Variants in TAP1 observed in about 807,000 individuals in gnomAD.
The protein encoded by TAP1 is antigen peptide transporter 1.
Under a neutral mutation model 79.3 loss-of-function variants are expected in TAP1, and 56 were observed. That is an observed-to-expected ratio of 0.71 (90% CI 0.57 to 0.88). TAP1 has a LOEUF of 0.88. Ranked by LOEUF, TAP1 falls within the 40% of genes least tolerant of loss-of-function variation. The probability of loss-of-function intolerance (pLI) is 0.00; values close to 1 mark genes in which losing one functional copy is unlikely to be tolerated. For missense variants in TAP1, 737 were observed against 936.3 expected, an observed-to-expected ratio of 0.79 and a Z score of 2.78; for synonymous variants, 355 against 401.4, an observed-to-expected ratio of 0.88 and a Z score of 1.38.
Position 32,852,908 on chromosome 6 carries a change from G to A in TAP1, c.598+131C>T. 6.8e-7 allele frequency: 1 copy of A among 1,465,874 alleles called. No homozygotes were observed. The highest frequency in any genetic ancestry group is 1.4e-5 in the African/African-American group (1 of 71,082). The allele number at this position is 1,465,874 out of a possible 1,614,324, so 90.8% of individuals were successfully genotyped here. ...CTTCTACACCGAAGTGGTGTTCCAA[G>A]ACCCACGCTAGGAGTCCTTCTCCTG... On this transcript the variant is annotated intron_variant, in intron 1 of 10. Coordinates refer to ENST00000354258, the MANE Select transcript of TAP1 (RefSeq NM_000593.6). This position sits in a 1 kb window ranked among gnomAD's most constrained non-coding sequence, Gnocchi z 4.8.
At chr6:32,848,226 A>C in intron 7 of TAP1, 134 bp from the exon 8 acceptor site, 1 of 1,188,242 alleles carries the variant, frequency 8.4e-7, no homozygotes, top group Non-Finnish European at 1.2e-6. Flanking sequence ...ACCCTCCCAC[A>C]TGCACAGATT....
chr6:32,845,554 G>A lies in TAP1; in HGVS notation c.*25C>T, dbSNP rs1770311591. 1 of 1,610,798 alleles carries A rather than the reference G, an allele frequency of 6.2e-7. No individual in the cohort carries two copies. Among genetic ancestry groups the A allele is most frequent in the Non-Finnish European group, 8.5e-7 (1 of 1,177,994 alleles). On this transcript the variant is annotated 3_prime_UTR_variant, in exon 11 of 11. Transcript: ENST00000354258. The surrounding 1 kb of genome is among the most constrained non-coding windows in gnomAD (Gnocchi z 4.5). ...CAGAGAGAAGAAAAGGGAGGGAGAT[G>A]GAGTGCGCAGGTCTGAGAAGGCTTT...
Position 32,847,419 on chromosome 6 carries a change from C to T in TAP1, c.1903+94G>A. ...GATCTTACAACTTCAAATTGATGTC[C>T]ATGAGTAAGGAGGAACTGAAGGATA... On this transcript the variant is annotated intron_variant, in intron 9 of 10. Transcript: ENST00000354258. This position sits in a 1 kb window ranked among gnomAD's most constrained non-coding sequence, Gnocchi z 4.7. 2 of 1,575,354 alleles carry T rather than the reference C, an allele frequency of 1.3e-6. No homozygotes were observed. The highest frequency in any genetic ancestry group is 1.7e-6 in the Non-Finnish European group (2 of 1,146,578).
chr6:32,849,175 AG>A, intron 5 of TAP1, 57 bp from the exon 6 acceptor site: 5 of 1,551,702 alleles, frequency 3.2e-6, no homozygotes, highest in Non-Finnish European at 4.4e-6. Flanking sequence ...GGGGACACAA[AG>A]AACCGCAGTC....
rs1392845171 is a variant in TAP1, at chr6:32,848,759, G to A, written c.1459C>T (p.Arg487Cys). The change falls in exon 7 of 11, where the codon CGC (arginine) becomes TGC (cysteine). Residue 487 changes from arginine to cysteine, a missense_variant. Arg to Cys is a radical substitution (Grantham distance 180). This residue lies in a region of TAP1 where 266 missense variants were observed against 332.4 expected (regional missense o/e 0.80). Coordinates refer to ENST00000354258, the MANE Select transcript of TAP1 (RefSeq NM_000593.6). ...GTCAACAGACCACTGGGTGGGCAGC[G>A]AGGGGTGCGGTCCAGGTACTCAAAT... is the stretch of plus-strand genomic sequence containing the variant. ...KIFEYLDRTP[R>C]CPPSGLLTPL... 3.7e-6 allele frequency: 6 copies of A among 1,613,994 alleles called. No individual in the cohort carries two copies. In the African/African-American group the frequency reaches 5.3e-5, roughly 14 times the overall value.
chr6:32,852,957 C>T lies in TAP1; in HGVS notation c.598+82G>A, dbSNP rs1372004960. 2 of 1,525,930 alleles carry T rather than the reference C, an allele frequency of 1.3e-6. No homozygotes were observed. Among genetic ancestry groups the T allele is most frequent in the African/African-American group, 1.4e-5 (1 of 72,852 alleles). The allele number at this position is 1,525,930 out of a possible 1,614,324, so 94.5% of individuals were successfully genotyped here. A position where few individuals can be genotyped will look rare whatever the true frequency, so the allele number is the denominator to read the frequency against. ...TGCTCCACATTTCCCAGAACCCACG[C>T]TACTCTACCTTACTGACAATTACCT... is the stretch of plus-strand genomic sequence containing the variant. On this transcript the variant is annotated intron_variant, in intron 1 of 10. Coordinates refer to ENST00000354258, the MANE Select transcript of TAP1 (RefSeq NM_000593.6). This position sits in a 1 kb window ranked among gnomAD's most constrained non-coding sequence, Gnocchi z 4.8.
Position 32,847,841 on chromosome 6 carries a change from C to T in TAP1, c.1740+78G>A. 23 of 1,600,492 alleles carry T rather than the reference C, an allele frequency of 1.4e-5. No individual in the cohort carries two copies. The highest frequency in any genetic ancestry group is 2.0e-5 in the Non-Finnish European group (23 of 1,168,738). On this transcript the variant is annotated intron_variant, in intron 8 of 10. Transcript: ENST00000354258. The surrounding 1 kb of genome is among the most constrained non-coding windows in gnomAD (Gnocchi z 4.7). ...CAAGGTCTCTTATCATTCCCTAACC[C>T]CTCTTTCAGAGTGCTCAGTAAGAAT...
Position 32,852,830 on chromosome 6 carries a change from C to G in TAP1, c.598+209G>C. ...CCGGCGTGGCCCAAAGAATCAAGAC[C>G]CGGTCAGCAATGGAGCCCAGAACCT... On this transcript the variant is annotated intron_variant, in intron 1 of 10. Transcript: ENST00000354258. This position sits in a 1 kb window ranked among gnomAD's most constrained non-coding sequence, Gnocchi z 4.8. The G allele has an allele frequency of 6.9e-7, 1 of 1,440,668 alleles. No individual in the cohort carries two copies. The highest frequency in any genetic ancestry group is 1.5e-5 in the South Asian group (1 of 66,200). The allele number at this position is 1,440,668 out of a possible 1,614,324, so 89.2% of individuals were successfully genotyped here. A position where few individuals can be genotyped will look rare whatever the true frequency, so the allele number is the denominator to read the frequency against.
Position 32,845,329 on chromosome 6 carries a change from G to A in TAP1, c.*250C>T, listed in dbSNP as rs573579275. 1.3e-5 allele frequency: 8 copies of A among 599,528 alleles called. No individual in the cohort carries two copies. The African/African-American group carries it at 1.5e-4, about 11-fold the overall frequency. 37.1% of individuals were successfully genotyped at this position (599,528 alleles called of 1,614,324 possible). The stretch of plus-strand genomic sequence containing the variant: ...TTCCGTACATTCTGAACATTTCTCA[G>A]TTTCAGAGTGCTGGCCACACCAAAG... On this transcript the variant is annotated 3_prime_UTR_variant, in exon 11 of 11. Coordinates refer to ENST00000354258, the MANE Select transcript of TAP1 (RefSeq NM_000593.6). This position sits in a 1 kb window ranked among gnomAD's most constrained non-coding sequence, Gnocchi z 4.5.
In TAP1 at chr6:32,851,024, A is replaced by AT. The variant is rs1770749321; in HGVS notation, c.969dup (p.Ser324IlefsTer46). ...AGGGTGACCATGGTGAGGGACACTG[A>AT]TCCCCAGAGCATGATCCCCAAGAGA... On this transcript the variant is annotated frameshift_variant, in exon 4 of 11. Transcript: ENST00000354258. LOFTEE classifies it high-confidence loss of function. The surrounding 1 kb of genome is among the most constrained non-coding windows in gnomAD (Gnocchi z 4.8). 1.9e-6 allele frequency: 3 copies of AT among 1,612,962 alleles called. No homozygotes were observed. Among genetic ancestry groups the AT allele is most frequent in the African/African-American group, 1.3e-5 (1 of 75,008 alleles).
At chr6:32,848,875 T>C in intron 6 of TAP1, 35 bp from the exon 7 acceptor site, 1 of 1,613,246 alleles carries the variant, frequency 6.2e-7, no homozygotes, top group African/African-American at 1.3e-5. Context: ...AGTGAGGTAG[T>C]CTGCTTGCCA....
rs2395270 is a variant in TAP1, at chr6:32,850,020, G to A, written c.1248+300C>T. 1,244 of 513,990 alleles carry A rather than the reference G, an allele frequency of 2.4e-3. 26 individuals carry two copies. The Admixed American group carries it at 0.03, about 12-fold the overall frequency. 31.8% of individuals were successfully genotyped at this position (513,990 alleles called of 1,614,324 possible). A position where few individuals can be genotyped will look rare whatever the true frequency, so the allele number is the denominator to read the frequency against. On this transcript the variant is annotated intron_variant, in intron 5 of 10. Transcript: ENST00000354258. This position sits in a 1 kb window ranked among gnomAD's most constrained non-coding sequence, Gnocchi z 5.5. ...AGTCCCAGGTGCAAGAATTTATGGC[G>A]CCCTGCACTTCCCCTGAGAGGCAAA...
In TAP1 at chr6:32,851,222, C is replaced by T; in HGVS notation, c.845-73G>A. 6.8e-7 allele frequency: 1 copy of T among 1,462,470 alleles called. No individual in the cohort carries two copies. Among genetic ancestry groups the T allele is most frequent in the Non-Finnish European group, 9.5e-7 (1 of 1,058,064 alleles). 90.6% of individuals were successfully genotyped at this position (1,462,470 alleles called of 1,614,324 possible). ...GTGATGAGACGAACTAACAATGAGC[C>T]AGGATGCCAGGGTCAGGGGTGTCAA... On this transcript the variant is annotated intron_variant, in intron 3 of 10. Coordinates refer to ENST00000354258, the MANE Select transcript of TAP1 (RefSeq NM_000593.6). The surrounding 1 kb of genome is among the most constrained non-coding windows in gnomAD (Gnocchi z 4.8).
chr6:32,849,211 C>T, intron 5 of TAP1, 93 bp from the exon 6 acceptor site: 2 of 1,492,174 alleles, frequency 1.3e-6, no homozygotes, highest in South Asian at 1.2e-5. Context: ...AATATCAAGT[C>T]CCTGTCTCCT....
Position 32,845,886 on chromosome 6 carries a change from G to A in TAP1, c.2041-101C>T. 3 of 995,918 alleles carry A rather than the reference G, an allele frequency of 3.0e-6. No individual in the cohort carries two copies. Among genetic ancestry groups the A allele is most frequent in the Non-Finnish European group, 4.6e-6 (3 of 653,306 alleles). 61.7% of individuals were successfully genotyped at this position (995,918 alleles called of 1,614,324 possible). A position where few individuals can be genotyped will look rare whatever the true frequency, so the allele number is the denominator to read the frequency against. On this transcript the variant is annotated intron_variant, in intron 10 of 10. Transcript: ENST00000354258. This position sits in a 1 kb window ranked among gnomAD's most constrained non-coding sequence, Gnocchi z 4.5. ...GACTGACCTCACAGGATCACTGCTGGCTCTGCTAACAACCCCAAGGACACC... is the reference window on the plus strand; with the variant it reads ...GACTGACCTCACAGGATCACTGCTGACTCTGCTAACAACCCCAAGGACACC...
chr6:32,845,359 A>C lies in TAP1; in HGVS notation c.*220T>G. On this transcript the variant is annotated 3_prime_UTR_variant, in exon 11 of 11. Coordinates refer to ENST00000354258, the MANE Select transcript of TAP1 (RefSeq NM_000593.6). This position sits in a 1 kb window ranked among gnomAD's most constrained non-coding sequence, Gnocchi z 4.5. Reference sequence around the variant, plus strand: ...AGAGTGCTGGCCACACCAAAGCATCAGCCCTGGCTCTAAACTCCGTTACAG... The same window carrying C: ...AGAGTGCTGGCCACACCAAAGCATCCGCCCTGGCTCTAAACTCCGTTACAG... The C allele has an allele frequency of 4.8e-6, 3 of 622,574 alleles. No homozygotes were observed. Among genetic ancestry groups the C allele is most frequent in the South Asian group, 3.7e-5 (2 of 54,654 alleles). The allele number at this position is 622,574 out of a possible 1,614,324, so 38.6% of individuals were successfully genotyped here.
chr6:32,853,311 C>G lies in TAP1; in HGVS notation c.326G>C (p.Gly109Ala), dbSNP rs1227126352. 5.7e-6 allele frequency: 9 copies of G among 1,579,228 alleles called. No homozygotes were observed. Among genetic ancestry groups the G allele is most frequent in the Non-Finnish European group, 7.7e-6 (9 of 1,162,086 alleles). The change falls in exon 1 of 11, where the codon GGA (glycine) becomes GCA (alanine). Residue 109 changes from glycine (G) to alanine (A), a missense_variant. Physicochemically the swap from Gly to Ala is moderately conservative, Grantham distance 60. This residue lies in a region of TAP1 where 406 missense variants were observed against 477.2 expected (regional missense o/e 0.85). Coordinates refer to ENST00000354258, the MANE Select transcript of TAP1 (RefSeq NM_000593.6). This position sits in a 1 kb window ranked among gnomAD's most constrained non-coding sequence, Gnocchi z 8.3. ...GATCAGCTCTCGGAACAAGGCAAGT[C>G]CCGGCAGGGCCAAGCCCAGTGCCGC... ...LAAALGLALP[G>A]LALFRELISW...
In TAP1 at chr6:32,847,916, T is replaced by C. The variant is rs776321104; in HGVS notation, c.1740+3A>G. ...CCCTCCTTCAAGCCACCTGCTTCCA[T>C]ACCTGCCTGTGCAGGTAGCGGTGCT... On this transcript the variant is annotated splice_donor_region_variant and intron_variant, in intron 8 of 10. Transcript: ENST00000354258. The surrounding 1 kb of genome is among the most constrained non-coding windows in gnomAD (Gnocchi z 4.7). 8.7e-6 allele frequency: 14 copies of C among 1,613,020 alleles called. No individual in the cohort carries two copies. The highest frequency in any genetic ancestry group is 1.1e-5 in the South Asian group (1 of 91,092).
Position 32,851,204 on chromosome 6 carries a change from G to A in TAP1, c.845-55C>T. 6.4e-7 allele frequency: 1 copy of A among 1,563,986 alleles called. No homozygotes were observed. Among genetic ancestry groups the A allele is most frequent in the Non-Finnish European group, 8.8e-7 (1 of 1,141,482 alleles). ...GAATCAGACAGGTTCCAAGTGATGAGACGAACTAACAATGAGCCAGGATGC... is the reference window on the plus strand; with the variant it reads ...GAATCAGACAGGTTCCAAGTGATGAAACGAACTAACAATGAGCCAGGATGC... On this transcript the variant is annotated intron_variant, in intron 3 of 10. Transcript: ENST00000354258. This position sits in a 1 kb window ranked among gnomAD's most constrained non-coding sequence, Gnocchi z 4.8.
Sources: allele counts gnomAD v4.1 joint callset, GRCh38; gene constraint gnomAD v4.1.1; regional missense constraint gnomAD v4.1.1; non-coding constraint Gnocchi (gnomAD v3.1); transcripts MANE v1.5; gene names NCBI Gene and HGNC (gene_info 2026-07-23, HGNC 2026-07-21).